The following ITGBL1 variants were observed in gnomAD, a reference collection of about 807,000 sequenced individuals.
ITGBL1 encodes integrin subunit beta like 1.
ITGBL1 carries 51 observed loss-of-function variants against 68.5 expected under a neutral mutation model. The observed-to-expected ratio is 0.74, with a 90% CI of 0.59 to 0.94. The LOEUF is 0.94. Ranked by LOEUF, ITGBL1 falls within the 40% of genes least tolerant of loss-of-function variation. The pLI, the probability that ITGBL1 is intolerant of heterozygous loss-of-function variation, is 0.00. For missense variants in ITGBL1, 649 were observed against 647.4 expected, an observed-to-expected ratio of 1.00 and a Z score of -0.03; for synonymous variants, 209 against 227.3, an observed-to-expected ratio of 0.92 and a Z score of 0.72.
intron 7 of ITGBL1, among the ~76,000 whole-genome samples, chr13:101,678,991 C>T (rs551610409): frequency 6.6e-6 from 1 of 151,942 alleles, no homozygotes; most frequent in African/African-American, 2.4e-5. Context: ...TCTGCAACCT[C>T]CGACTCCCTG....
At chr13:101,531,022 G>A (rs2139159202) in intron 2 of ITGBL1, among the ~76,000 whole-genome samples, 1 of 148,322 alleles carries the variant, frequency 6.7e-6, no homozygotes, top group South Asian at 2.2e-4. Context: ...TAGAGGAGCT[G>A]TAATATAGGA....
At chr13:101,717,479 CTAT>C (rs368370995), downstream of ITGBL1, 34 of 152,124 alleles carry the variant, frequency 2.2e-4, 1 homozygote, top group East Asian at 4.3e-3. Flanking sequence ...TGTGAACAAC[CTAT>C]TATTATTGTT....
chr13:101,697,668 G>A (rs1301832719), intron 8 of ITGBL1, among the ~76,000 whole-genome samples: 1 of 152,122 alleles, frequency 6.6e-6, no homozygotes, highest in Non-Finnish European at 1.5e-5. Flanking sequence ...GTTTACCTAT[G>A]TATTTGTTTG....
intron 7 of ITGBL1, among the ~76,000 whole-genome samples, chr13:101,628,942 T>C (rs186109529): frequency 7.9e-4 from 120 of 152,292 alleles, no homozygotes; most frequent in South Asian, 6.2e-3. Flanking sequence ...AATCAACTTC[T>C]CATCTGTTTC....
At chr13:101,457,635 T>C (rs2048262272) in intron 2 of ITGBL1, among the ~76,000 whole-genome samples, 1 of 152,116 alleles carries the variant, frequency 6.6e-6, no homozygotes, top group South Asian at 2.1e-4. Context: ...GGTAGAATGG[T>C]GAAACCCTGT....
intron 8 of ITGBL1, among the ~76,000 whole-genome samples, chr13:101,704,484 TAAAA>T (rs57687698): frequency 1.1e-4 from 12 of 105,350 alleles, no homozygotes; most frequent in African/African-American, 4.1e-4. Flanking sequence ...ATTCATTCAG[TAAAA>T]AAAAAAAAAA....
Position 101,598,255 on chromosome 13 carries a change from T to A in ITGBL1, c.971T>A (p.Ile324Asn). Residue 324 changes from isoleucine to asparagine, a missense_variant, in exon 7 of 11, where the codon ATC becomes AAC. By Grantham distance (149) the Ile-to-Asn change is moderately radical. Transcript: ENST00000376180. ...QSCTLSAEESIRKCQGSSDLP... is the reference protein window; with the variant it reads ...QSCTLSAEESNRKCQGSSDLP... Reference sequence around the variant, plus strand: ...TGCACGCTGTCAGCTGAGGAGAGCATCAGGAAGTGCCAGGGAAGCTCGGAT... The same window carrying A: ...TGCACGCTGTCAGCTGAGGAGAGCAACAGGAAGTGCCAGGGAAGCTCGGAT... 1 of 1,613,444 alleles carries A rather than the reference T, an allele frequency of 6.2e-7. No individual in the cohort carries two copies. The highest frequency in any genetic ancestry group is 1.7e-4 in the Middle Eastern group (1 of 6,058).
intron 2 of ITGBL1, among the ~76,000 whole-genome samples, chr13:101,532,697 T>C (rs888207459): frequency 6.6e-6 from 1 of 152,160 alleles, no homozygotes; most frequent in Non-Finnish European, 1.5e-5. Flanking sequence ...TTGCAAAGTC[T>C]TTTTTTGCAT....
At chr13:101,712,563 TG>T (rs977880109) in intron 9 of ITGBL1, 4 of 152,178 alleles carry the variant, frequency 2.6e-5, no homozygotes, top group African/African-American at 9.7e-5. Flanking sequence ...ATGAATATTA[TG>T]GGCATATAAA....
chr13:101,648,878 C>G (rs930988684), intron 7 of ITGBL1, among the ~76,000 whole-genome samples: 1 of 151,940 alleles, frequency 6.6e-6, no homozygotes, highest in African/African-American at 2.4e-5. Flanking sequence ...TATTTTCTTT[C>G]ACTTGAGTGT....
intron 7 of ITGBL1, among the ~76,000 whole-genome samples, chr13:101,683,361 C>T (rs1179841265): frequency 6.6e-6 from 1 of 152,032 alleles, no homozygotes; most frequent in Non-Finnish European, 1.5e-5. Context: ...AGTTCTCGCA[C>T]TCTACATTAT....
chr13:101,642,640 T>C lies in ITGBL1; in HGVS notation c.1015+44341T>C, dbSNP rs2032421226. Reference sequence around the variant, plus strand: ...GTTTTAGACATGAAGTCCTTGCCCATGCCTATGTCCTGAATGGTAATGCCT... The same window carrying C: ...GTTTTAGACATGAAGTCCTTGCCCACGCCTATGTCCTGAATGGTAATGCCT... On this transcript the variant is annotated intron_variant, in intron 7 of 10. Transcript: ENST00000376180. 3.3e-5 allele frequency among the ~76,000 whole-genome samples: 5 copies of C among 151,838 alleles called. No homozygotes were observed. In the South Asian group the frequency reaches 1.0e-3, roughly 32 times the overall value.
intron 7 of ITGBL1, among the ~76,000 whole-genome samples, chr13:101,676,793 T>C (rs1311482568): frequency 1.3e-5 from 2 of 152,168 alleles, no homozygotes; most frequent in Non-Finnish European, 2.9e-5. Context: ...ATAATGTCAG[T>C]ATAAGATATT....
chr13:101,720,530 CTGTGTGTGTGTGTGTGTG>C (rs56200654), downstream of ITGBL1: 16 of 147,672 alleles, frequency 1.1e-4, no homozygotes, highest in Admixed American at 5.4e-4. Context: ...GGTGTTTGCT[CTGTGTGTGTGTGTGTGTG>C]TGTGTGTGTG....
chr13:101,510,328 A>G (rs181027499), intron 2 of ITGBL1, among the ~76,000 whole-genome samples: 1 of 152,276 alleles, frequency 6.6e-6, no homozygotes, highest in East Asian at 1.9e-4. Context: ...TGTTGCTGCA[A>G]AGAACATGAT....
rs142620169 is a variant in ITGBL1 at position 101,486,401 on chromosome 13, C to T, written c.316+32301C>T. ...CCCATTGGGTACAGTGTACACTGCTCAGGTGATGAGTGCACCAAAATCTCA... is the reference window on the plus strand; with the variant it reads ...CCCATTGGGTACAGTGTACACTGCTTAGGTGATGAGTGCACCAAAATCTCA... On this transcript the variant is annotated intron_variant, in intron 2 of 10. Coordinates refer to ENST00000376180, the MANE Select transcript of ITGBL1 (RefSeq NM_004791.3). Among the ~76,000 whole-genome samples the T allele has an allele frequency of 3.9e-3, 601 of 152,220 alleles. 3 individuals are homozygous for T. Among genetic ancestry groups the T allele is most frequent in the African/African-American group, 0.014 (570 of 41,538 alleles).
intron 6 of ITGBL1, among the ~76,000 whole-genome samples, chr13:101,584,635 C>T (rs1210146397): frequency 6.6e-6 from 1 of 152,160 alleles, no homozygotes; most frequent in Admixed American, 6.5e-5. Flanking sequence ...ATCTCTTGTG[C>T]TCCAGAGGAT....
At chr13:101,712,336 G>A (rs1364552623) in intron 9 of ITGBL1, 1 of 152,086 alleles carries the variant, frequency 6.6e-6, no homozygotes, top group Non-Finnish European at 1.5e-5. Context: ...TTTCAGAACT[G>A]GAATTTACTC....
At chr13:101,571,489 T>G (rs1467102530) in intron 3 of ITGBL1, among the ~76,000 whole-genome samples, 1 of 152,144 alleles carries the variant, frequency 6.6e-6, no homozygotes. Flanking sequence ...GTTTTATAAT[T>G]CCTTCCCATC....
Sources: gnomAD v4.1 joint callset for allele counts (sites outside exome capture counted in the v4.1 genomes callset) on GRCh38, gnomAD v4.1.1 for gene constraint, MANE v1.5 for transcripts, NCBI Gene and HGNC (gene_info 2026-07-23, HGNC 2026-07-21) for gene names.